Variants in CLXN observed in about 807,000 individuals in gnomAD.
CLXN encodes the protein calaxin, also known as EF-hand calcium binding domain 1.
the CLXN span, among the ~76,000 whole-genome samples, chr8:48,720,193 C>T: frequency 6.6e-6 from 1 of 152,128 alleles, no homozygotes; most frequent in Non-Finnish European, 1.5e-5. Flanking sequence ...ACAATATGAT[C>T]TCAGTGTACC....
At chr8:48,726,638 C>A in the CLXN span, among the ~76,000 whole-genome samples, 1 of 144,946 alleles carries the variant, frequency 6.9e-6, no homozygotes, top group African/African-American at 2.6e-5. Flanking sequence ...CCCACCCACC[C>A]ACCTCACCCA....
At chr8:48,720,066 TCTTTA>T in the CLXN span, among the ~76,000 whole-genome samples, 4 of 152,234 alleles carry the variant, frequency 2.6e-5, no homozygotes, top group Admixed American at 6.5e-5. Flanking sequence ...CTTATGCCTG[TCTTTA>T]CTTTAATCTC....
the CLXN span, chr8:48,734,453 G>A: frequency 1.3e-5 from 2 of 152,298 alleles, no homozygotes; most frequent in East Asian, 3.9e-4. Context: ...GGCTCATCTT[G>A]TCACCTGCAA....
chr8:48,734,735 T>G, the CLXN span: 2 of 214,190 alleles, frequency 9.3e-6, no homozygotes, highest in Non-Finnish European at 1.9e-5. Flanking sequence ...CGGTCTACCT[T>G]GGTGGTGCTA....
chr8:48,712,990 C>CAAACAAAAA, the CLXN span, among the ~76,000 whole-genome samples: 1 of 99,556 alleles, frequency 1.0e-5, no homozygotes. Flanking sequence ...ACTCCTCTGT[C>CAAACAAAAA]AAAAAAAAAA....
the CLXN span, chr8:48,713,798 T>C: frequency 1.3e-5 from 2 of 152,226 alleles, no homozygotes; most frequent in Admixed American, 6.5e-5. Flanking sequence ...AAGTGCAGTC[T>C]TGTACACAGA....
the CLXN span, among the ~76,000 whole-genome samples, chr8:48,720,402 C>G: frequency 5.3e-5 from 8 of 152,150 alleles, no homozygotes; most frequent in African/African-American, 1.9e-4. Context: ...GGAATGCATT[C>G]CTGGGGGAAG....
the CLXN span, chr8:48,729,205 C>G: frequency 7.2e-7 from 1 of 1,380,614 alleles, no homozygotes; most frequent in Non-Finnish European, 1.0e-6. Context: ...AATACATGCT[C>G]TTTTCATAGT....
At chr8:48,728,940 T>C in the CLXN span, 3 of 718,948 alleles carry the variant, frequency 4.2e-6, no homozygotes, top group East Asian at 8.5e-5. Context: ...TATTCTTTCT[T>C]GGTGGACAGG....
the CLXN span, among the ~76,000 whole-genome samples, chr8:48,722,269 T>G: frequency 3.9e-5 from 6 of 152,294 alleles, no homozygotes; most frequent in Non-Finnish European, 7.4e-5. Flanking sequence ...ATCACTAAGA[T>G]AAATGATAAC....
chr8:48,713,070 T>C, the CLXN span, among the ~76,000 whole-genome samples: 1 of 151,906 alleles, frequency 6.6e-6, no homozygotes, highest in African/African-American at 2.4e-5. Flanking sequence ...AAGTGCACTT[T>C]GATTTACTTG....
At chr8:48,713,855 T>C in the CLXN span, 2 of 152,120 alleles carry the variant, frequency 1.3e-5, no homozygotes, top group Non-Finnish European at 2.9e-5. Flanking sequence ...TCAGTGGTGG[T>C]TTTTAAATCC....
chr8:48,713,273 G>A, the CLXN span, among the ~76,000 whole-genome samples: 1 of 152,102 alleles, frequency 6.6e-6, no homozygotes, highest in Admixed American at 6.5e-5. Context: ...TGTATATATG[G>A]GTTAAATTTC....
the CLXN span, among the ~76,000 whole-genome samples, chr8:48,732,028 C>A: frequency 1.3e-5 from 2 of 152,156 alleles, no homozygotes; most frequent in South Asian, 4.2e-4. Flanking sequence ...ATTTTAGCAC[C>A]CAATATGGCT....
At chr8:48,729,133 T>G in the CLXN span, 1 of 1,613,138 alleles carries the variant, frequency 6.2e-7, no homozygotes, top group East Asian at 2.2e-5. Context: ...CAGCTTCCCA[T>G]CATGGTCATG....
chr8:48,735,193 G>A, the CLXN span: 311 of 1,611,096 alleles, frequency 1.9e-4, 3 homozygotes, highest in South Asian at 1.5e-3. Flanking sequence ...GGGTCTCTGG[G>A]CGCGCGGCTA....
chr8:48,735,270 A>T, the CLXN span: 589 of 1,157,142 alleles, frequency 5.1e-4, no homozygotes, highest in Non-Finnish European at 7.1e-4. Flanking sequence ...TCAGTTACTG[A>T]TCTCGTGCGC....
chr8:48,729,333 T>G, the CLXN span, among the ~76,000 whole-genome samples: 1 of 151,924 alleles, frequency 6.6e-6, no homozygotes, highest in Non-Finnish European at 1.5e-5. Flanking sequence ...GAGACCATAC[T>G]GGGCAACATA....
the CLXN span, among the ~76,000 whole-genome samples, chr8:48,718,345 G>A: frequency 6.6e-6 from 1 of 152,062 alleles, no homozygotes; most frequent in East Asian, 1.9e-4. Context: ...AGATCTCAAG[G>A]AATAAATTTA....
Sources: allele counts gnomAD v4.1 joint callset (sites outside exome capture counted in the v4.1 genomes callset), GRCh38; gene constraint gnomAD v4.1.1; transcripts MANE v1.5; gene names NCBI Gene and HGNC (gene_info 2026-07-23, HGNC 2026-07-21).